CPPED1: variants seen among roughly 807,000 people sequenced by gnomAD.
CPPED1 encodes the protein serine/threonine-protein phosphatase CPPED1.
In CPPED1, 28 loss-of-function variants were observed where a neutral mutation model predicts 28.0. That is an observed-to-expected ratio of 1.00 (90% CI 0.74 to 1.37). CPPED1 has a LOEUF of 1.37. Ranked by LOEUF, CPPED1 falls within the 40% of genes most tolerant of loss-of-function variation. The probability of loss-of-function intolerance (pLI) is 0.00; values close to 1 mark genes in which losing one functional copy is unlikely to be tolerated. For synonymous variants in CPPED1, 198 were observed against 180.2 expected, an observed-to-expected ratio of 1.10 and a Z score of -0.79; for missense variants, 504 against 416.5, an observed-to-expected ratio of 1.21 and a Z score of -1.83.
At chr16:12,685,949 C>G (rs2079930476) in intron 3 of CPPED1, among the ~76,000 whole-genome samples, 1 of 152,174 alleles carries the variant, frequency 6.6e-6, no homozygotes. Flanking sequence ...GCTGAGAAGT[C>G]CAGCCTAAGG....
intron 2 of CPPED1, among the ~76,000 whole-genome samples, chr16:12,756,133 AAAAC>A (rs895100301): frequency 2.9e-4 from 44 of 151,744 alleles, no homozygotes; most frequent in African/African-American, 1.1e-3. Flanking sequence ...TCCGTCAAAA[AAAAC>A]AAAAAAAAAT....
chr16:12,785,132 T>C (rs1179919334), intron 1 of CPPED1, among the ~76,000 whole-genome samples: 1 of 152,246 alleles, frequency 6.6e-6, no homozygotes, highest in Non-Finnish European at 1.5e-5. Flanking sequence ...TTATCAAGAC[T>C]GAATTAAAGA....
At chr16:12,699,490 A>C (rs1259926243) in intron 3 of CPPED1, among the ~76,000 whole-genome samples, 1 of 151,910 alleles carries the variant, frequency 6.6e-6, no homozygotes, top group Non-Finnish European at 1.5e-5. Flanking sequence ...CGTTTATCTC[A>C]TCCCATTTTT....
chr16:12,777,820 T>C (rs908751434), intron 2 of CPPED1, among the ~76,000 whole-genome samples: 1 of 150,492 alleles, frequency 6.6e-6, no homozygotes, highest in Non-Finnish European at 1.5e-5. Context: ...TTGTGGATGA[T>C]AAGTACTATA....
chr16:12,678,657 T>C (rs939161601), intron 3 of CPPED1, among the ~76,000 whole-genome samples: 4 of 152,214 alleles, frequency 2.6e-5, no homozygotes, highest in African/African-American at 7.2e-5. Context: ...CTATTGTAAA[T>C]TGAATTATTT....
intron 2 of CPPED1, among the ~76,000 whole-genome samples, chr16:12,779,999 A>G (rs931705475): frequency 2.0e-5 from 3 of 152,086 alleles, no homozygotes; most frequent in African/African-American, 7.2e-5. Context: ...TAGGCAAAAT[A>G]AATAGGAAGA....
chr16:12,691,897 GGC>G (rs564700890), intron 3 of CPPED1, among the ~76,000 whole-genome samples: 1 of 151,236 alleles, frequency 6.6e-6, no homozygotes, highest in African/African-American at 2.4e-5. Flanking sequence ...ACACCAACAT[GGC>G]ACATGTATAC....
intron 2 of CPPED1, among the ~76,000 whole-genome samples, chr16:12,735,149 C>T (rs11075148): frequency 0.18 from 27,778 of 152,102 alleles, 2,621 homozygotes; most frequent in Middle Eastern, 0.22. Flanking sequence ...GTACAAATTC[C>T]CTTTTATGGA....
intron 2 of CPPED1, chr16:12,753,882 G>C (rs1255614490): frequency 6.6e-6 from 1 of 152,214 alleles, no homozygotes; most frequent in African/African-American, 2.4e-5. Context: ...AGGAAATGAA[G>C]CTGGCCCTCC....
At chr16:12,757,939 G>A (rs1354402073) in intron 2 of CPPED1, 2 of 151,638 alleles carry the variant, frequency 1.3e-5, no homozygotes, top group African/African-American at 2.4e-5. Context: ...ACACATTATT[G>A]AGGCAAATCA....
intron 2 of CPPED1, among the ~76,000 whole-genome samples, chr16:12,747,778 T>TA (rs1437137810): frequency 6.6e-6 from 1 of 152,214 alleles, no homozygotes; most frequent in East Asian, 1.9e-4. Context: ...GTTTCACAGG[T>TA]ATATACATAT....
At chr16:12,793,440 T>C (rs772982289) in intron 1 of CPPED1, among the ~76,000 whole-genome samples, 40 of 152,172 alleles carry the variant, frequency 2.6e-4, no homozygotes, top group Admixed American at 5.2e-4. Context: ...TGAGTTCCAG[T>C]GGAGCTCAGA....
chr16:12,707,170 G>A (rs970935998), intron 2 of CPPED1, among the ~76,000 whole-genome samples: 5 of 152,146 alleles, frequency 3.3e-5, no homozygotes, highest in Admixed American at 6.5e-5. Context: ...CTCTCAAAGC[G>A]ACCCTTGTGG....
intron 1 of CPPED1, among the ~76,000 whole-genome samples, chr16:12,802,411 G>A (rs1457345643): frequency 6.6e-6 from 1 of 152,138 alleles, no homozygotes; most frequent in Admixed American, 6.5e-5. Flanking sequence ...AGACCAGCCT[G>A]GCCAACATGG....
At chr16:12,802,736 T>C (rs1186146866) in intron 1 of CPPED1, among the ~76,000 whole-genome samples, 1 of 152,220 alleles carries the variant, frequency 6.6e-6, no homozygotes, top group East Asian at 1.9e-4. Flanking sequence ...TCACCAACCC[T>C]GCTAAAGAAG....
At chr16:12,708,516 G>GC (rs1180556594) in intron 2 of CPPED1, among the ~76,000 whole-genome samples, 1 of 152,100 alleles carries the variant, frequency 6.6e-6, no homozygotes. Context: ...ATTTTTATCA[G>GC]CGACCCACTG....
chr16:12,669,718 G>C (rs537052739), intron 3 of CPPED1, among the ~76,000 whole-genome samples: 2 of 152,282 alleles, frequency 1.3e-5, no homozygotes, highest in South Asian at 2.1e-4. Flanking sequence ...CTAGCAATGA[G>C]AGCACCTAGC....
chr16:12,678,875 T>C (rs1157927889), intron 3 of CPPED1, among the ~76,000 whole-genome samples: 2 of 152,234 alleles, frequency 1.3e-5, no homozygotes. Flanking sequence ...CTTATTTCTT[T>C]CTCTTGCTTT....
chr16:12,661,772 TC>T lies in CPPED1; in HGVS notation c.*3113del. On this transcript the variant is annotated 3_prime_UTR_variant, in exon 4 of 4. Coordinates refer to ENST00000381774, the MANE Select transcript of CPPED1 (RefSeq NM_018340.3). ...TATGGTTCAGTTCGGTTTCTAAATC[TC>T]CCCCAGTAAAAATCCTCCCCCTGGA... 1 of 152,694 alleles carries T rather than the reference TC, an allele frequency of 6.5e-6. No individual in the cohort carries two copies. Among genetic ancestry groups the T allele is most frequent in the Non-Finnish European group, 1.5e-5 (1 of 68,416 alleles). The allele number at this position is 152,694 out of a possible 1,614,324, so 9.5% of individuals were successfully genotyped here. A position where few individuals can be genotyped will look rare whatever the true frequency, so the allele number is the denominator to read the frequency against.
Sources: allele counts gnomAD v4.1 joint callset (sites outside exome capture counted in the v4.1 genomes callset), GRCh38; gene constraint gnomAD v4.1.1; transcripts MANE v1.5; gene names NCBI Gene and HGNC (gene_info 2026-07-23, HGNC 2026-07-21).